The following NUCB1 variants were observed in gnomAD, a reference collection of about 807,000 sequenced individuals.
NUCB1 encodes the protein nucleobindin 1.
NUCB1 carries 47 observed loss-of-function variants against 61.2 expected under a neutral mutation model. That is an observed-to-expected ratio of 0.77 (90% CI 0.61 to 0.98). The LOEUF (loss-of-function observed/expected upper bound fraction) is 0.98. NUCB1 is among the 50% of genes least tolerant of loss of function. The pLI is 0.00. For missense variants in NUCB1, 583 were observed against 605.3 expected (o/e 0.96, Z 0.39); for synonymous variants, 234 against 243.1 (o/e 0.96, Z 0.35).
chr19:48,900,472 C>G (rs1266133882), intron 1 of NUCB1, 100 bp downstream of exon 1: 1 of 390,204 alleles, frequency 2.6e-6, no homozygotes, highest in Non-Finnish European at 4.7e-6. Flanking sequence ...GGTGCCAGTA[C>G]TTTAGGTCCT....
At chr19:48,914,539 G>C (rs1173070235) in intron 7 of NUCB1, among the ~76,000 whole-genome samples, 1 of 152,210 alleles carries the variant, frequency 6.6e-6, no homozygotes, top group Admixed American at 6.6e-5. Flanking sequence ...CTCAGAGCCA[G>C]TGATCAGGCA....
In NUCB1 at chr19:48,902,431, T is replaced by A. The variant is rs544963115; in HGVS notation, c.135+1500T>A. 4.2e-5 allele frequency among the ~76,000 whole-genome samples: 6 copies of A among 141,360 alleles called. No individual in the cohort carries two copies. The South Asian group carries it at 6.6e-4, about 15-fold the overall frequency. The allele number at this position is 141,360 out of a possible 152,430, so 92.7% of individuals were successfully genotyped here. A position where few individuals can be genotyped will look rare whatever the true frequency, so the allele number is the denominator to read the frequency against. On this transcript the variant is annotated intron_variant, in intron 2 of 12. Transcript: ENST00000405315. ...TTCTTTTCCTTTTTCTTTTTTTTTT[T>A]TTTTTTTATTTTTGCTGTGTCACCC...
rs148698634 is a variant in NUCB1, at chr19:48,921,251, G to A, written c.1100G>A (p.Arg367His). ...REAELNAKAQ[R>H]LSQETEALGR... The stretch of plus-strand genomic sequence containing the variant: ...GCAGAGCTGAATGCCAAGGCCCAGC[G>A]CCTCAGCCAGGAGACAGAGGCTCTA... Residue 367 changes from arginine to histidine, a missense_variant, in exon 11 of 13, where the codon CGC becomes CAC. By Grantham distance (29) the Arg-to-His change is conservative (BLOSUM62 0). Coordinates refer to ENST00000405315, the MANE Select transcript of NUCB1 (RefSeq NM_006184.6). 36 of 1,609,852 alleles carry A rather than the reference G, an allele frequency of 2.2e-5. No individual in the cohort carries two copies. The Middle Eastern group carries it at 1.5e-3, about 67-fold the overall frequency.
intron 3 of NUCB1, 34 bp from the exon 4 acceptor site, chr19:48,905,719 C>A (rs768610793): frequency 1.2e-6 from 2 of 1,612,894 alleles, no homozygotes; most frequent in Non-Finnish European, 1.7e-6. Flanking sequence ...AGAGAGCAGG[C>A]CCCCAGGCTG....
intron 4 of NUCB1, among the ~76,000 whole-genome samples, chr19:48,909,309 G>A (rs549188721): frequency 1.7e-4 from 26 of 151,176 alleles, no homozygotes; most frequent in African/African-American, 4.4e-4. Flanking sequence ...GTGCGGTGGC[G>A]CGATCTCAGC....
intron 11 of NUCB1, among the ~76,000 whole-genome samples, 159 bp from the exon 12 acceptor site, chr19:48,921,668 C>T (rs11671777): frequency 0.53 from 80,881 of 152,046 alleles, 26,512 homozygotes; most frequent in Non-Finnish European, 0.72. Context: ...TTATTAAGCC[C>T]GACTGTCAAT....
At chr19:48,910,178 G>A (rs942852976) in intron 4 of NUCB1, among the ~76,000 whole-genome samples, 57 of 151,884 alleles carry the variant, frequency 3.8e-4, no homozygotes, top group Non-Finnish European at 1.3e-4. Flanking sequence ...CCAGGTTCCA[G>A]TGATTCCCCT....
intron 5 of NUCB1, among the ~76,000 whole-genome samples, chr19:48,912,610 C>T (rs986657798): frequency 1.2e-4 from 18 of 152,078 alleles, no homozygotes; most frequent in South Asian, 8.3e-4. Flanking sequence ...CTGACGTGGG[C>T]GGATCACCTG....
chr19:48,905,603 G>T (rs1194688404), intron 3 of NUCB1, 150 bp from the exon 4 acceptor site: 2 of 864,978 alleles, frequency 2.3e-6, no homozygotes, highest in African/African-American at 3.4e-5. Context: ...GACGGGCTGG[G>T]AGCTGTCCTT....
At chr19:48,913,613 C>G (rs371677309) in intron 7 of NUCB1, 49 bp downstream of exon 7, 14 of 1,465,756 alleles carry the variant, frequency 9.6e-6, no homozygotes, top group African/African-American at 4.2e-5. Flanking sequence ...TAGATTCTGA[C>G]CCTTCTAGGA....
Position 48,905,747 on chromosome 19 carries a change from TG to T in NUCB1, c.244-5del. 1 of 1,613,952 alleles carries T rather than the reference TG, an allele frequency of 6.2e-7. No individual in the cohort carries two copies. Among genetic ancestry groups the T allele is most frequent in the Non-Finnish European group, 8.5e-7 (1 of 1,179,994 alleles). On this transcript the variant is annotated splice_polypyrimidine_tract_variant and splice_region_variant and intron_variant, in intron 3 of 12. Transcript: ENST00000405315. ...CCAGGCTGACCAGGGTCTCCTCTCC[TG>T]TCAGAGCGGGAAGCTGAGCCGAGAG...
intron 3 of NUCB1, among the ~76,000 whole-genome samples, chr19:48,905,322 C>T (rs1321282189): frequency 1.3e-5 from 2 of 152,144 alleles, no homozygotes; most frequent in Admixed American, 6.5e-5. Context: ...ATCATTGTCC[C>T]CATTTCACTG....
chr19:48,900,644 A>T (rs1168442432), intron 1 of NUCB1, 142 bp from the exon 2 acceptor site: 2 of 1,166,960 alleles, frequency 1.7e-6, no homozygotes, highest in Non-Finnish European at 2.4e-6. Flanking sequence ...GGAGGCCTGG[A>T]ATCCTGGGGC....
intron 2 of NUCB1, among the ~76,000 whole-genome samples, chr19:48,903,487 CGGGTGGATGGATGGGT>C (rs1568583108): frequency 1.7e-4 from 4 of 23,142 alleles, no homozygotes; most frequent in African/African-American, 6.6e-4. Context: ...GATGGATGGG[CGGGTGGATGGATGGGT>C]GGGTGGATGA....
chr19:48,904,765 T>G (rs28627697), intron 3 of NUCB1, among the ~76,000 whole-genome samples: 75,234 of 151,836 alleles, frequency 0.5, 21,516 homozygotes, highest in African/African-American at 0.8. Flanking sequence ...CTCGTGATCC[T>G]CCCATCTCGG....
chr19:48,920,781 C>T (rs2122211622), intron 10 of NUCB1, among the ~76,000 whole-genome samples: 1 of 152,258 alleles, frequency 6.6e-6, no homozygotes, highest in South Asian at 2.1e-4. Context: ...CCTCGGCCTC[C>T]GAAAGTGCTG....
intron 7 of NUCB1, chr19:48,918,277 C>G (rs912501411): frequency 6.5e-6 from 1 of 154,800 alleles, no homozygotes; most frequent in Non-Finnish European, 1.4e-5. Flanking sequence ...GAAGGAGGGC[C>G]GGTGGTGAGG....
chr19:48,913,651 C>A, intron 7 of NUCB1, 87 bp downstream of exon 7: 1 of 1,124,878 alleles, frequency 8.9e-7, no homozygotes, highest in Non-Finnish European at 1.3e-6. Context: ...GTGTGTCTGT[C>A]CCAGGAGGGC....
chr19:48,902,125 GTTCT>G (rs975016140), intron 2 of NUCB1, among the ~76,000 whole-genome samples: 4 of 152,084 alleles, frequency 2.6e-5, no homozygotes, highest in East Asian at 3.9e-4. Flanking sequence ...CGTGAGTTGA[GTTCT>G]TTCTTTCTTT....
Sources: allele counts gnomAD v4.1 joint callset (sites outside exome capture counted in the v4.1 genomes callset), GRCh38; gene constraint gnomAD v4.1.1; transcripts MANE v1.5; gene names NCBI Gene and HGNC (gene_info 2026-07-23, HGNC 2026-07-21).